The following GIPC2 variants were observed in gnomAD, a reference collection of about 807,000 sequenced individuals.
GIPC2 encodes GIPC PDZ domain containing family member 2, also known as PDZ domain-containing protein GIPC2.
A neutral mutation model predicts 30.6 loss-of-function variants in GIPC2; 30 were observed. The ratio of observed to expected loss-of-function variants is 0.98; its 90% CI spans 0.73 to 1.33. The LOEUF (loss-of-function observed/expected upper bound fraction) is 1.33, where lower values mean the gene tolerates loss of function less well. GIPC2 is among the 40% of genes most tolerant of loss of function. The pLI, the probability that GIPC2 is intolerant of heterozygous loss-of-function variation, is 0.00. For missense variants in GIPC2, 414 were observed against 390.3 expected, an observed-to-expected ratio of 1.06 and a Z score of -0.51; for synonymous variants, 167 against 150.0, an observed-to-expected ratio of 1.11 and a Z score of -0.83.
At chr1:78,123,094 T>C (rs1662713479) in intron 4 of GIPC2, among the ~76,000 whole-genome samples, 1 of 151,970 alleles carries the variant, frequency 6.6e-6, no homozygotes, top group African/African-American at 2.4e-5. Context: ...ACCCCATCTC[T>C]ACTAAAAACA....
chr1:78,127,921 T>G (rs536961004), intron 5 of GIPC2, among the ~76,000 whole-genome samples: 2 of 152,142 alleles, frequency 1.3e-5, no homozygotes, highest in Non-Finnish European at 2.9e-5. Context: ...TTGCTCAGGC[T>G]CAAGTGATCC....
intron 1 of GIPC2, among the ~76,000 whole-genome samples, chr1:78,058,371 C>T (rs1240806080): frequency 6.6e-6 from 1 of 152,050 alleles, no homozygotes; most frequent in Non-Finnish European, 1.5e-5. Context: ...TTATTGTATT[C>T]TAACTTTTGA....
chr1:78,069,174 A>G, intron 1 of GIPC2: 1 of 747,172 alleles, frequency 1.3e-6, no homozygotes, highest in African/African-American at 1.9e-5. Flanking sequence ...CTGTGACAGA[A>G]TTCTGTTCTT....
chr1:78,069,150 G>T, intron 1 of GIPC2: 3 of 924,406 alleles, frequency 3.2e-6, no homozygotes, highest in Non-Finnish European at 3.9e-6. Context: ...GGCAGTGCCT[G>T]GGTATCTCCA....
intron 1 of GIPC2, among the ~76,000 whole-genome samples, chr1:78,075,354 G>C (rs1661698166): frequency 6.6e-6 from 1 of 152,142 alleles, no homozygotes; most frequent in Non-Finnish European, 1.5e-5. Flanking sequence ...TACTAGGGAG[G>C]CTGAGGCAGG....
chr1:78,122,336 C>G (rs1662697422), intron 4 of GIPC2, among the ~76,000 whole-genome samples: 1 of 152,176 alleles, frequency 6.6e-6, no homozygotes, highest in South Asian at 2.1e-4. Flanking sequence ...CCTTTAATCA[C>G]CTAGCACAAA....
At position 78,125,821 on chromosome 1, in the gene GIPC2, T is replaced by C. The variant is rs370621119; in HGVS notation, c.715-60T>C. The C allele has an allele frequency of 7.8e-5, 69 of 889,956 alleles. No individual in the cohort carries two copies. The African/African-American group carries it at 9.6e-4, about 12-fold the overall frequency. 55.1% of individuals were successfully genotyped at this position (889,956 alleles called of 1,614,324 possible). ...TCCACATCAGGCTTTCTCTTGTGTA[T>C]GCCCTGACAATCAAGAGATTTTGTT... On this transcript the variant is annotated intron_variant, in intron 4 of 5. Transcript: ENST00000370759.
At chr1:78,106,196 C>T (rs1229304578) in intron 3 of GIPC2, among the ~76,000 whole-genome samples, 3 of 145,232 alleles carry the variant, frequency 2.1e-5, no homozygotes, top group South Asian at 4.3e-4. Flanking sequence ...GATCGCGCCA[C>T]TGCATTCCAG....
At position 78,046,485 on chromosome 1, in the gene GIPC2, G is replaced by C; in HGVS notation, c.240+151G>C. 9.7e-6 allele frequency: 7 copies of C among 719,370 alleles called. 1 individual carries two copies. The Middle Eastern group carries it at 2.6e-3, about 266-fold the overall frequency. The allele number at this position is 719,370 out of a possible 1,614,324, so 44.6% of individuals were successfully genotyped here. A position where few individuals can be genotyped will look rare whatever the true frequency, so the allele number is the denominator to read the frequency against. On this transcript the variant is annotated intron_variant, in intron 1 of 5. Coordinates refer to ENST00000370759, the MANE Select transcript of GIPC2 (RefSeq NM_017655.6). The stretch of plus-strand genomic sequence containing the variant: ...TCCGCCGGGGGCGTCCCGGGGGAAA[G>C]TGAGTGTGCCTTCCCTGGAAGGGAA...
chr1:78,076,711 C>G (rs1025698060), intron 1 of GIPC2, among the ~76,000 whole-genome samples: 1 of 152,152 alleles, frequency 6.6e-6, no homozygotes, highest in Non-Finnish European at 1.5e-5. Flanking sequence ...TTGGGGACCC[C>G]TGCAATAAGA....
At chr1:78,121,157 A>G (rs1485269473) in intron 4 of GIPC2, among the ~76,000 whole-genome samples, 1 of 152,194 alleles carries the variant, frequency 6.6e-6, no homozygotes, top group East Asian at 1.9e-4. Flanking sequence ...AGTGACAACT[A>G]GAGGCAAGAA....
Position 78,046,067 on chromosome 1 carries a change from G to A in GIPC2, c.-28G>A. 5.7e-6 allele frequency: 8 copies of A among 1,410,080 alleles called. No individual in the cohort carries two copies. The highest frequency in any genetic ancestry group is 3.0e-5 in the East Asian group (1 of 33,568). The allele number at this position is 1,410,080 out of a possible 1,614,324, so 87.3% of individuals were successfully genotyped here. A position where few individuals can be genotyped will look rare whatever the true frequency, so the allele number is the denominator to read the frequency against. On this transcript the variant is annotated 5_prime_UTR_variant, in exon 1 of 6. Transcript: ENST00000370759. ...GGAGGAGGCGGCGGACGGCAGCGCAGGTGGGCCCGCGCTCTCGGCCCTGCA... is the reference window on the plus strand; with the variant it reads ...GGAGGAGGCGGCGGACGGCAGCGCAAGTGGGCCCGCGCTCTCGGCCCTGCA...
At chr1:78,133,750 T>TTGTGTGTG (rs3057089) in intron 5 of GIPC2, among the ~76,000 whole-genome samples, 35 of 146,012 alleles carry the variant, frequency 2.4e-4, no homozygotes, top group East Asian at 2.3e-3. Flanking sequence ...GAAAAAAAAA[T>TTGTGTGTG]TGTGTGTGTG....
chr1:78,056,920 C>T (rs1661309189), intron 1 of GIPC2, among the ~76,000 whole-genome samples: 1 of 151,984 alleles, frequency 6.6e-6, no homozygotes, highest in Non-Finnish European at 1.5e-5. Flanking sequence ...GTTCTCTTTC[C>T]AGTGTATTTG....
intron 4 of GIPC2, among the ~76,000 whole-genome samples, chr1:78,120,655 T>G (rs1662663673): frequency 6.6e-6 from 1 of 152,250 alleles, no homozygotes. Flanking sequence ...GGAAGGTGAA[T>G]GAGGAGCAAA....
chr1:78,116,932 C>T (rs1571520733), intron 3 of GIPC2, among the ~76,000 whole-genome samples: 1 of 94,224 alleles, frequency 1.1e-5, no homozygotes. Flanking sequence ...AATCGCCACA[C>T]TGTCTTCCAC....
intron 1 of GIPC2, among the ~76,000 whole-genome samples, chr1:78,057,504 A>T (rs562913216): frequency 1.3e-5 from 2 of 152,160 alleles, no homozygotes; most frequent in Non-Finnish European, 2.9e-5. Context: ...TGGAATTTTA[A>T]TTTTTCAAAA....
chr1:78,100,421 GA>G (rs1336623430), intron 3 of GIPC2, among the ~76,000 whole-genome samples: 1 of 152,154 alleles, frequency 6.6e-6, no homozygotes, highest in Non-Finnish European at 1.5e-5. Flanking sequence ...TAATAAGATT[GA>G]ATTGGTAACC....
intron 3 of GIPC2, among the ~76,000 whole-genome samples, chr1:78,096,631 T>C (rs1436401017): frequency 1.3e-5 from 2 of 152,162 alleles, no homozygotes; most frequent in Admixed American, 6.6e-5. Flanking sequence ...TTAGCTATTA[T>C]TGTTCCATGA....
Sources: allele counts gnomAD v4.1 joint callset (sites outside exome capture counted in the v4.1 genomes callset), GRCh38; gene constraint gnomAD v4.1.1; transcripts MANE v1.5; gene names NCBI Gene and HGNC (gene_info 2026-07-23, HGNC 2026-07-21).